The following UTRN variants were observed in gnomAD, a reference collection of about 807,000 sequenced individuals.
UTRN encodes the protein dystrophin-related protein 1.
UTRN carries 283 observed loss-of-function variants against 463.9 expected under a neutral mutation model. The observed-to-expected ratio is 0.61, with a 90% CI of 0.55 to 0.67. The LOEUF (loss-of-function observed/expected upper bound fraction) is 0.67, where lower values mean the gene tolerates loss of function less well. Among genes scored for constraint, UTRN ranks in the 30% least tolerant of loss-of-function variants. UTRN has a pLI of 0.00. For missense variants in UTRN, 3,922 were observed against 4,084.3 expected, an observed-to-expected ratio of 0.96 and a Z score of 1.08; for synonymous variants, 1,442 against 1,431.5, an observed-to-expected ratio of 1.01 and a Z score of -0.17.
intron 2 of UTRN, 129 bp from the exon 3 acceptor site, chr6:144,402,994 A>G: frequency 1.3e-6 from 1 of 784,332 alleles, no homozygotes; most frequent in Non-Finnish European, 2.1e-6. Context: ...GCTCCGCCTC[A>G]TTGTGCTCAA....
chr6:144,430,261 G>A (rs576489063), intron 9 of UTRN, among the ~76,000 whole-genome samples: 19 of 152,182 alleles, frequency 1.2e-4, no homozygotes, highest in African/African-American at 4.1e-4. Context: ...AAGGGATTAC[G>A]ATGATTTCAT....
chr6:144,811,109 C>CT (rs34131412), intron 65 of UTRN, among the ~76,000 whole-genome samples: 3 of 151,616 alleles, frequency 2.0e-5, no homozygotes, highest in South Asian at 4.2e-4. Flanking sequence ...TAAATTGTGC[C>CT]TTTTTTTTAT....
chr6:144,505,506 A>G (rs1794619363), intron 34 of UTRN, among the ~76,000 whole-genome samples: 1 of 152,052 alleles, frequency 6.6e-6, no homozygotes, highest in African/African-American at 2.4e-5. Context: ...TAATTTCGTT[A>G]TTTACCCAGA....
chr6:144,747,351 G>T (rs1043275894), intron 54 of UTRN, among the ~76,000 whole-genome samples: 1 of 152,184 alleles, frequency 6.6e-6, no homozygotes, highest in Non-Finnish European at 1.5e-5. Flanking sequence ...AGATAGTGAG[G>T]CCCCAGGAGT....
intron 3 of UTRN, among the ~76,000 whole-genome samples, chr6:144,407,248 T>G (rs143835800): frequency 1.6e-3 from 246 of 152,296 alleles, no homozygotes; most frequent in Admixed American, 3.4e-3. Flanking sequence ...TCCAGTAAAC[T>G]ATTTGTAGGC....
rs749216043 is a variant in UTRN at position 144,523,094 on chromosome 6, G to A, written c.5812G>A (p.Ala1938Thr). 6.2e-7 allele frequency: 1 copy of A among 1,613,468 alleles called. No individual in the cohort carries two copies. The highest frequency in any genetic ancestry group is 1.1e-5 in the South Asian group (1 of 90,952). The change falls in exon 41 of 75, where the codon GCC (alanine) becomes ACC (threonine). Residue 1938 changes from alanine to threonine, a missense_variant. Ala to Thr is a moderately conservative substitution (Grantham distance 58). Coordinates refer to ENST00000367545, the MANE Select transcript of UTRN (RefSeq NM_007124.3). Reference protein sequence around the residue: ...HEKQPDVILEASGPEAIQIRD... With the variant: ...HEKQPDVILETSGPEAIQIRD... ...AAAACAGCCAGATGTCATCCTTGAA[G>A]CCTCTGGACCTGAAGCCATTCAGAT...
chr6:144,362,320 C>T (rs1779154286), intron 2 of UTRN, among the ~76,000 whole-genome samples: 1 of 152,198 alleles, frequency 6.6e-6, no homozygotes, highest in Non-Finnish European at 1.5e-5. Context: ...CCCCCATCTG[C>T]CCAGGACCCA....
At chr6:144,358,692 A>G (rs1778783907) in intron 2 of UTRN, among the ~76,000 whole-genome samples, 1 of 152,150 alleles carries the variant, frequency 6.6e-6, no homozygotes, top group South Asian at 2.1e-4. Context: ...GAAGGCCTTG[A>G]ACTCCTGGGC....
intron 51 of UTRN, among the ~76,000 whole-genome samples, chr6:144,643,009 T>A (rs1222105767): frequency 6.6e-6 from 1 of 152,190 alleles, no homozygotes; most frequent in East Asian, 1.9e-4. Context: ...TTCATCCTGA[T>A]CTTCAGGATA....
In UTRN at chr6:144,423,588, A is replaced by G. The variant is rs1244989864; in HGVS notation, c.274A>G (p.Asn92Asp). The G allele has an allele frequency of 6.2e-7, 1 of 1,614,240 alleles. No individual in the cohort carries two copies. The highest frequency in any genetic ancestry group is 1.7e-5 in the Admixed American group (1 of 60,032). ...RGSTRVHALN[N>D]VNRVLQVLHQ... is the part of the protein sequence containing the mutation. ...TTCCACAAGGGTACATGCCTTAAATAACGTCAACAGAGTGCTGCAGGTTTT... is the reference window on the plus strand; with the variant it reads ...TTCCACAAGGGTACATGCCTTAAATGACGTCAACAGAGTGCTGCAGGTTTT... Residue 92 changes from asparagine (N) to aspartate (D), a missense_variant, in exon 5 of 75, where the codon AAC becomes GAC. Physicochemically the swap from Asn to Asp is conservative, Grantham distance 23 (BLOSUM62 1). This residue lies in a region of UTRN where 264 missense variants were observed against 327.9 expected (regional missense o/e 0.81). Coordinates refer to ENST00000367545, the MANE Select transcript of UTRN (RefSeq NM_007124.3).
At chr6:144,321,266 C>T (rs973275435) in intron 2 of UTRN, among the ~76,000 whole-genome samples, 29 of 151,998 alleles carry the variant, frequency 1.9e-4, no homozygotes, top group Non-Finnish European at 2.1e-4. Context: ...ATGTGTTTGT[C>T]TATATACATA....
At position 144,839,215 on chromosome 6, in the gene UTRN, TCTC is replaced by T. The variant is rs1781351442; in HGVS notation, c.10112_10114del (p.Pro3371del). The T allele has an allele frequency of 1.2e-6, 2 of 1,614,074 alleles. No individual in the cohort carries two copies. The highest frequency in any genetic ancestry group is 1.1e-5 in the South Asian group (1 of 91,068). On this transcript the variant is annotated inframe_deletion, in exon 72 of 75. Coordinates refer to ENST00000367545, the MANE Select transcript of UTRN (RefSeq NM_007124.3). Reference sequence around the variant, plus strand: ...AATCAATGGTGTTTCCCCATGGGCTTCTCCTCAGCATTCTGCACTGAGCTACTC... The same window carrying T: ...AATCAATGGTGTTTCCCCATGGGCTTCTCAGCATTCTGCACTGAGCTACTC...
In UTRN at chr6:144,557,155, A is replaced by C. The variant is rs777346427; in HGVS notation, c.7135-2A>C. On this transcript the variant is annotated splice_acceptor_variant, in intron 49 of 74. Transcript: ENST00000367545. LOFTEE classifies it high-confidence loss of function. ...ACAAACAGACCTGCACTTGCACCTC[A>C]GATACTGCTTCAAGAACTGGGTCCT... 1 of 1,613,374 alleles carries C rather than the reference A, an allele frequency of 6.2e-7. No homozygotes were observed. The highest frequency in any genetic ancestry group is 8.5e-7 in the Non-Finnish European group (1 of 1,179,602).
At chr6:144,381,196 C>T (rs764813022) in intron 2 of UTRN, among the ~76,000 whole-genome samples, 7 of 152,090 alleles carry the variant, frequency 4.6e-5, no homozygotes, top group Non-Finnish European at 8.8e-5. Context: ...CCAATAGACC[C>T]CAGTGTATAT....
chr6:144,326,003 A>G (rs1436328447), intron 2 of UTRN, among the ~76,000 whole-genome samples: 2 of 150,820 alleles, frequency 1.3e-5, no homozygotes, highest in Admixed American at 6.5e-5. Flanking sequence ...TCTTATAGAT[A>G]ATGTCTGACT....
Position 144,488,806 on chromosome 6 carries a change from A to C in UTRN, c.4106A>C (p.Asp1369Ala), listed in dbSNP as rs771683332. The C allele has an allele frequency of 6.2e-7, 1 of 1,603,038 alleles. No homozygotes were observed. The highest frequency in any genetic ancestry group is 1.1e-5 in the South Asian group (1 of 89,120). ...QLTTYLTDRI[D>A]AFQVPQEAQK... ...ACCACATACCTGACTGACAGGATAG[A>C]TGCTTTCCAAGTTCCACAGGAAGCT... The change falls in exon 30 of 75, where the codon GAT becomes GCT. Residue 1369 changes from aspartate to alanine, a missense_variant. Transcript: ENST00000367545.
chr6:144,711,176 T>C (rs1348506124), intron 53 of UTRN, among the ~76,000 whole-genome samples: 1 of 151,926 alleles, frequency 6.6e-6, no homozygotes, highest in East Asian at 1.9e-4. Context: ...AAATTAGGTG[T>C]GGTGGCGGGT....
At chr6:144,491,692 G>A (rs1283100308) in intron 32 of UTRN, among the ~76,000 whole-genome samples, 1 of 152,114 alleles carries the variant, frequency 6.6e-6, no homozygotes, top group Non-Finnish European at 1.5e-5. Flanking sequence ...GACTCTTTAG[G>A]ACAGGAGAGG....
chr6:144,607,044 T>C (rs1804926119), intron 51 of UTRN, among the ~76,000 whole-genome samples: 1 of 152,218 alleles, frequency 6.6e-6, no homozygotes, highest in African/African-American at 2.4e-5. Context: ...AGAAGAAAAG[T>C]AATTTTCTCT....
Sources: allele counts gnomAD v4.1 joint callset (sites outside exome capture counted in the v4.1 genomes callset), GRCh38; gene constraint gnomAD v4.1.1; regional missense constraint gnomAD v4.1.1; transcripts MANE v1.5; gene names NCBI Gene and HGNC (gene_info 2026-07-23, HGNC 2026-07-21).